The following APLF variants were observed in gnomAD, a reference collection of about 807,000 sequenced individuals.
APLF encodes the protein aprataxin and PNKP like factor.
In APLF, 61 loss-of-function variants were observed where a neutral mutation model predicts 55.6. The observed-to-expected ratio is 1.10, with a 90% confidence interval of 0.89 to 1.36. The LOEUF is 1.36. Among genes scored for constraint, APLF ranks in the 40% most tolerant of loss-of-function variants. The probability of loss-of-function intolerance (pLI) is 0.00; values close to 1 mark genes in which losing one functional copy is unlikely to be tolerated. For missense variants in APLF, 611 were observed against 602.5 expected, an observed-to-expected ratio of 1.01 and a Z score of -0.15; for synonymous variants, 207 against 214.8, an observed-to-expected ratio of 0.96 and a Z score of 0.32.
chr2:68,567,573 G>T (rs952889157), intron 9 of APLF, among the ~76,000 whole-genome samples, 186 bp downstream of exon 9: 1 of 151,644 alleles, frequency 6.6e-6, no homozygotes, highest in African/African-American at 2.4e-5. Context: ...TATAGCAAAT[G>T]CTTTCCCCAT....
chr2:68,519,954 T>C (rs1289372521), intron 5 of APLF, among the ~76,000 whole-genome samples: 3 of 151,896 alleles, frequency 2.0e-5, no homozygotes, highest in African/African-American at 7.3e-5. Flanking sequence ...GTGTTCCCTT[T>C]TCACCACATC....
intron 3 of APLF, among the ~76,000 whole-genome samples, chr2:68,508,679 C>G (rs1407209650): frequency 6.6e-6 from 1 of 152,040 alleles, no homozygotes; most frequent in Non-Finnish European, 1.5e-5. Context: ...CCATCCCCAT[C>G]AAGCTACCAA....
chr2:68,485,809 CTTT>C (rs1189243777), intron 1 of APLF, among the ~76,000 whole-genome samples: 26 of 129,162 alleles, frequency 2.0e-4, no homozygotes, highest in African/African-American at 5.2e-4. Context: ...TTTATTATCT[CTTT>C]TTTTTTTTTT....
rs148212520 is a variant in APLF, at chr2:68,566,206, C to G, written c.1287-1135C>G. The stretch of plus-strand genomic sequence containing the variant: ...CTTTTTAAAAATTGCCTTACTTGCC[C>G]TATTGAAAAGAAAGAAAATGAAGAA... On this transcript the variant is annotated intron_variant, in intron 8 of 9. Transcript: ENST00000303795. Among the ~76,000 whole-genome samples the G allele has an allele frequency of 9.2e-5, 14 of 152,028 alleles. No homozygotes were observed. The East Asian group carries it at 2.7e-3, about 29-fold the overall frequency.
In APLF at chr2:68,534,825, T is replaced by A. The variant is rs551469595; in HGVS notation, c.805-3047T>A. Among the ~76,000 whole-genome samples the A allele has an allele frequency of 4.6e-5, 7 of 152,364 alleles. No individual in the cohort carries two copies. In the South Asian group the frequency reaches 1.2e-3, roughly 27 times the overall value. ...AGCAACTTCCATGTTTCCTGTTCCCTCACTCGTCAGTTCAGTGACTTACTC... is the reference window on the plus strand; with the variant it reads ...AGCAACTTCCATGTTTCCTGTTCCCACACTCGTCAGTTCAGTGACTTACTC... On this transcript the variant is annotated intron_variant, in intron 6 of 9. Coordinates refer to ENST00000303795, the MANE Select transcript of APLF (RefSeq NM_173545.3).
intron 7 of APLF, among the ~76,000 whole-genome samples, chr2:68,542,436 G>A (rs113178595): frequency 0.014 from 2,100 of 152,126 alleles, 41 homozygotes; most frequent in African/African-American, 0.047. Flanking sequence ...AATACATAAA[G>A]AACTATAACT....
chr2:68,478,340 G>T (rs1312436629), intron 1 of APLF, among the ~76,000 whole-genome samples: 1 of 152,154 alleles, frequency 6.6e-6, no homozygotes, highest in Non-Finnish European at 1.5e-5. Context: ...TATGCCAGCA[G>T]GTGGGAAAAC....
At chr2:68,577,347 T>C (rs1671653601) in intron 9 of APLF, among the ~76,000 whole-genome samples, 1 of 152,152 alleles carries the variant, frequency 6.6e-6, no homozygotes, top group Non-Finnish European at 1.5e-5. Flanking sequence ...TCAGCCTCTA[T>C]CTGGGACATG....
At chr2:68,566,841 T>G (rs1371138089) in intron 8 of APLF, among the ~76,000 whole-genome samples, 1 of 152,154 alleles carries the variant, frequency 6.6e-6, no homozygotes, top group Non-Finnish European at 1.5e-5. Flanking sequence ...ATATGTTATC[T>G]GAATTTATCA....
At chr2:68,565,229 TG>T (rs1671270141) in intron 8 of APLF, among the ~76,000 whole-genome samples, 1 of 152,100 alleles carries the variant, frequency 6.6e-6, no homozygotes. Context: ...CTATTTTTCT[TG>T]GTTTTATCAA....
Position 68,513,010 on chromosome 2 carries a change from G to C in APLF, c.342-70G>C, listed in dbSNP as rs1331998240. 5.0e-6 allele frequency: 7 copies of C among 1,411,290 alleles called. No homozygotes were observed. In the Admixed American group the frequency reaches 1.5e-4, roughly 29 times the overall value. The allele number at this position is 1,411,290 out of a possible 1,614,324, so 87.4% of individuals were successfully genotyped here. ...AGTCTGAGTAAAGGGACATAACTTA[G>C]ATGTAGTTCTAAGGCAGCAGAAGTG... is the stretch of plus-strand genomic sequence containing the variant. On this transcript the variant is annotated intron_variant, in intron 3 of 9. Coordinates refer to ENST00000303795, the MANE Select transcript of APLF (RefSeq NM_173545.3).
intron 6 of APLF, among the ~76,000 whole-genome samples, chr2:68,532,582 G>C (rs1475273908): frequency 6.6e-6 from 1 of 152,158 alleles, no homozygotes; most frequent in African/African-American, 2.4e-5. Flanking sequence ...TGGGTATAAT[G>C]AATTTTTCTA....
In APLF at chr2:68,546,580, GTCTA is replaced by G. The variant is rs891864979; in HGVS notation, c.1286+1273_1286+1276del. ...GGAAAATATAATATGACCAAATAGG[GTCTA>G]TCTAAGGAATGCATGTTTTAATGTT... On this transcript the variant is annotated intron_variant, in intron 8 of 9. Transcript: ENST00000303795. Among the ~76,000 whole-genome samples, 47 of 151,816 alleles carry G rather than the reference GTCTA, an allele frequency of 3.1e-4. 1 individual carries two copies. The highest frequency in any genetic ancestry group is 7.7e-4 in the African/African-American group (32 of 41,508).
Position 68,502,781 on chromosome 2 carries a change from AC to A in APLF, c.221del (p.Pro74HisfsTer2). On this transcript the variant is annotated frameshift_variant, in exon 3 of 10. Coordinates refer to ENST00000303795, the MANE Select transcript of APLF (RefSeq NM_173545.3). LOFTEE classifies it high-confidence loss of function. ...YQSSEKSQLL[P>X]LKPNLWCYLN... is the part of the protein sequence containing the mutation. The stretch of plus-strand genomic sequence containing the variant: ...AGTCTTCAGAGAAGAGTCAGCTCTT[AC>A]CATTGAAGCCAAATCTATGGTGCTA... 1 of 1,603,608 alleles carries A rather than the reference AC, an allele frequency of 6.2e-7. No individual in the cohort carries two copies.
Position 68,526,821 on chromosome 2 carries a change from G to A in APLF, c.804+579G>A, listed in dbSNP as rs564644310. Among the ~76,000 whole-genome samples, 16 of 152,296 alleles carry A rather than the reference G, an allele frequency of 1.1e-4. No individual in the cohort carries two copies. In the South Asian group the frequency reaches 3.1e-3, roughly 30 times the overall value. ...TCCTGCCTCAGCCTCCCGAGTAGCT[G>A]GGACTACAGGCACAAGCTACCATGC... On this transcript the variant is annotated intron_variant, in intron 6 of 9. Coordinates refer to ENST00000303795, the MANE Select transcript of APLF (RefSeq NM_173545.3).
At chr2:68,469,021 T>TG (rs1553366865) in intron 1 of APLF, among the ~76,000 whole-genome samples, 127 of 100,040 alleles carry the variant, frequency 1.3e-3, no homozygotes, top group African/African-American at 4.1e-3. Flanking sequence ...TGTGTGTGTG[T>TG]TGTGTGTTGT....
intron 3 of APLF, among the ~76,000 whole-genome samples, chr2:68,510,803 A>G (rs1677026042): frequency 6.6e-6 from 1 of 151,892 alleles, no homozygotes; most frequent in Non-Finnish European, 1.5e-5. Flanking sequence ...ATAGATAAAC[A>G]AGTATTGTAT....
At chr2:68,467,863 C>A in intron 1 of APLF, 36 bp downstream of exon 1, 1 of 1,224,970 alleles carries the variant, frequency 8.2e-7, no homozygotes, top group Non-Finnish European at 1.0e-6. Flanking sequence ...ACCCCGAGAG[C>A]CGTGGAGTTC....
At position 68,577,902 on chromosome 2, in the gene APLF, GGAA is replaced by G; in HGVS notation, c.1422_1424del (p.Glu474del). On this transcript the variant is annotated inframe_deletion, in exon 10 of 10. Coordinates refer to ENST00000303795, the MANE Select transcript of APLF (RefSeq NM_173545.3). ...TGAACGACAGCTTTCTAGATGATGA[GGAA>G]GAAGACTATGAGCCAACAGATGAAG... is the stretch of plus-strand genomic sequence containing the variant. The G allele has an allele frequency of 1.2e-6, 2 of 1,613,518 alleles. No individual in the cohort carries two copies. The highest frequency in any genetic ancestry group is 1.7e-4 in the Middle Eastern group (1 of 6,058).
Sources: allele counts gnomAD v4.1 joint callset (sites outside exome capture counted in the v4.1 genomes callset), GRCh38; gene constraint gnomAD v4.1.1; transcripts MANE v1.5; gene names NCBI Gene and HGNC (gene_info 2026-07-23, HGNC 2026-07-21).